The following CNTN5 variants were observed in gnomAD, a reference collection of about 807,000 sequenced individuals.
CNTN5 encodes contactin-5.
CNTN5 carries 77 observed loss-of-function variants against 129.1 expected under a neutral mutation model. The observed-to-expected ratio is 0.60, with a 90% CI of 0.50 to 0.72. The LOEUF is 0.72. Among genes scored for constraint, CNTN5 ranks in the 30% least tolerant of loss-of-function variants. CNTN5 has a pLI of 0.00. For synonymous variants in CNTN5, 509 were observed against 465.6 expected, an observed-to-expected ratio of 1.09 and a Z score of -1.20; for missense variants, 1,478 against 1,328.8, an observed-to-expected ratio of 1.11 and a Z score of -1.75.
intron 7 of CNTN5, among the ~76,000 whole-genome samples, chr11:99,938,027 T>A (rs1950353729): frequency 6.6e-6 from 1 of 152,234 alleles, no homozygotes. Flanking sequence ...AGTGTTTGTA[T>A]CATGCGAATA....
chr11:99,477,790 A>T (rs923583753), intron 2 of CNTN5, among the ~76,000 whole-genome samples: 3 of 152,056 alleles, frequency 2.0e-5, no homozygotes, highest in Non-Finnish European at 4.4e-5. Context: ...TCTCTAAAAA[A>T]AAAAAAAGGT....
intron 3 of CNTN5, among the ~76,000 whole-genome samples, chr11:99,806,638 C>G (rs530203930): frequency 1.3e-5 from 2 of 152,046 alleles, no homozygotes; most frequent in East Asian, 3.9e-4. Context: ...GAAACCCTGT[C>G]TCTGCTAAAA....
intron 2 of CNTN5, among the ~76,000 whole-genome samples, chr11:99,525,316 A>C (rs935227316): frequency 1.3e-5 from 2 of 152,224 alleles, no homozygotes; most frequent in Non-Finnish European, 2.9e-5. Context: ...AACAGCACAC[A>C]GCTTGTTTAA....
At chr11:99,707,133 A>G (rs1297219894) in intron 3 of CNTN5, among the ~76,000 whole-genome samples, 1 of 151,528 alleles carries the variant, frequency 6.6e-6, no homozygotes, top group Non-Finnish European at 1.5e-5. Flanking sequence ...CTGTCAGAAG[A>G]TGAAAAGTAC....
In CNTN5 at chr11:100,350,864, T is replaced by A; in HGVS notation, c.3193T>A (p.Tyr1065Asn). The change falls in exon 24 of 25, where the codon TAT becomes AAT. Residue 1065 changes from tyrosine to asparagine, a missense_variant. By Grantham distance (143) the Tyr-to-Asn change is moderately radical (BLOSUM62 -2). Coordinates refer to ENST00000524871, the MANE Select transcript of CNTN5 (RefSeq NM_014361.4). ...TASSQIRVPS[Y>N]SGGKITSAQS... ...TAGTTCTCAAATTAGGGTACCATCA[T>A]ATTCAGGTAAGTTTTGACACAGTAG... 1 of 1,567,240 alleles carries A rather than the reference T, an allele frequency of 6.4e-7. No individual in the cohort carries two copies. Among genetic ancestry groups the A allele is most frequent in the Non-Finnish European group, 8.7e-7 (1 of 1,152,054 alleles).
intron 13 of CNTN5, among the ~76,000 whole-genome samples, chr11:100,113,009 C>T (rs370587129): frequency 6.6e-6 from 1 of 152,184 alleles, no homozygotes; most frequent in South Asian, 2.1e-4. Context: ...TTCTTGATTG[C>T]TTCTATGCTA....
chr11:100,128,796 C>A (rs186479462), intron 13 of CNTN5, among the ~76,000 whole-genome samples: 77 of 152,000 alleles, frequency 5.1e-4, no homozygotes, highest in Non-Finnish European at 9.9e-4. Flanking sequence ...ACTTTCCCTC[C>A]CCACCCACTC....
intron 3 of CNTN5, among the ~76,000 whole-genome samples, chr11:99,724,441 C>T (rs527494181): frequency 1.3e-5 from 2 of 152,258 alleles, no homozygotes; most frequent in East Asian, 1.9e-4. Flanking sequence ...CACCACTACA[C>T]GATTTTCACT....
At chr11:99,343,917 C>G (rs564116961) in intron 2 of CNTN5, among the ~76,000 whole-genome samples, 32 of 152,154 alleles carry the variant, frequency 2.1e-4, no homozygotes, top group African/African-American at 7.7e-4. Flanking sequence ...CTTGTGAAAG[C>G]CTCATTTACA....
intron 2 of CNTN5, among the ~76,000 whole-genome samples, chr11:99,392,989 GAT>G (rs1488678764): frequency 1.3e-5 from 2 of 151,816 alleles, no homozygotes; most frequent in African/African-American, 4.8e-5. Flanking sequence ...GGATGAGTAA[GAT>G]TGTCTATTGG....
At chr11:99,257,467 G>A (rs1862425848) in intron 1 of CNTN5, among the ~76,000 whole-genome samples, 3 of 151,902 alleles carry the variant, frequency 2.0e-5, no homozygotes, top group South Asian at 4.2e-4. Context: ...TATCTTAAAA[G>A]GAGCTATAAT....
intron 3 of CNTN5, among the ~76,000 whole-genome samples, chr11:99,710,691 A>G (rs1180139557): frequency 6.6e-6 from 1 of 151,656 alleles, no homozygotes; most frequent in East Asian, 1.9e-4. Context: ...TTGGGGAGTA[A>G]AAAAATGACT....
intron 1 of CNTN5, among the ~76,000 whole-genome samples, chr11:99,054,466 T>C (rs998652578): frequency 6.6e-6 from 1 of 151,962 alleles, no homozygotes; most frequent in African/African-American, 2.4e-5. Context: ...CTTCTCTATA[T>C]GGACTTACAC....
chr11:100,035,792 TC>T (rs1480221850), intron 9 of CNTN5, among the ~76,000 whole-genome samples: 4 of 151,952 alleles, frequency 2.6e-5, no homozygotes, highest in African/African-American at 9.7e-5. Context: ...TCTGTTCATA[TC>T]CTTTGCCCAC....
At chr11:99,959,626 CTG>C (rs1341210366) in intron 8 of CNTN5, among the ~76,000 whole-genome samples, 2 of 152,162 alleles carry the variant, frequency 1.3e-5, no homozygotes, top group Non-Finnish European at 2.9e-5. Flanking sequence ...ATTGAACTGA[CTG>C]TAGCAGTTGA....
intron 3 of CNTN5, among the ~76,000 whole-genome samples, chr11:99,740,325 C>A (rs1379712523): frequency 6.6e-6 from 1 of 151,910 alleles, no homozygotes; most frequent in African/African-American, 2.4e-5. Context: ...AGAGTAGTTG[C>A]ATGGAACAAA....
chr11:99,784,162 T>C (rs1346546076), intron 3 of CNTN5, among the ~76,000 whole-genome samples: 1 of 152,120 alleles, frequency 6.6e-6, no homozygotes, highest in Non-Finnish European at 1.5e-5. Context: ...ATTATTATTA[T>C]ACTTTAAGTT....
chr11:99,557,152 T>C lies in CNTN5; in HGVS notation c.55+883T>C, dbSNP rs1010475400. Among the ~76,000 whole-genome samples, 5 of 151,260 alleles carry C rather than the reference T, an allele frequency of 3.3e-5. No homozygotes were observed. In the East Asian group the frequency reaches 9.7e-4, roughly 29 times the overall value. On this transcript the variant is annotated intron_variant, in intron 3 of 24. Coordinates refer to ENST00000524871, the MANE Select transcript of CNTN5 (RefSeq NM_014361.4). ...GCTTTCATTTTAAACACATTTTTAA[T>C]GTGTTAATTATACTAAATATATTTT...
chr11:99,940,030 A>G (rs547048607), intron 7 of CNTN5, among the ~76,000 whole-genome samples: 1 of 152,310 alleles, frequency 6.6e-6, no homozygotes, highest in Admixed American at 6.5e-5. Context: ...TTTTACCGTC[A>G]GGATACATTT....
Sources: allele counts gnomAD v4.1 joint callset (sites outside exome capture counted in the v4.1 genomes callset), GRCh38; gene constraint gnomAD v4.1.1; transcripts MANE v1.5; gene names NCBI Gene and HGNC (gene_info 2026-07-23, HGNC 2026-07-21).